SGIP1: variants seen among roughly 807,000 people sequenced by gnomAD.
The protein encoded by SGIP1 is SH3GL interacting endocytic adaptor 1.
Under a neutral mutation model 107.5 loss-of-function variants are expected in SGIP1, and 38 were observed. The ratio of observed to expected loss-of-function variants is 0.35; its 90% CI spans 0.27 to 0.46. The LOEUF (loss-of-function observed/expected upper bound fraction) is 0.46, where lower values mean the gene tolerates loss of function less well. SGIP1 is among the 20% of genes least tolerant of loss of function. SGIP1 has a pLI of 1.00. For missense variants in SGIP1, 929 were observed against 1,019.5 expected, an observed-to-expected ratio of 0.91 and a Z score of 1.21; for synonymous variants, 365 against 366.1, an observed-to-expected ratio of 1.00 and a Z score of 0.03.
At chr1:66,698,674 G>A (rs971974595) in intron 18 of SGIP1, among the ~76,000 whole-genome samples, 1 of 151,992 alleles carries the variant, frequency 6.6e-6, no homozygotes, top group African/African-American at 2.4e-5. Context: ...CACGGCGCCC[G>A]GCCCAAATGG....
intron 15 of SGIP1, among the ~76,000 whole-genome samples, chr1:66,683,700 C>CTTTTCTTTTTTTTT (rs2087379165): frequency 9.8e-5 from 6 of 61,388 alleles, no homozygotes; most frequent in South Asian, 1.1e-3. Context: ...TGTTTCTTTT[C>CTTTTCTTTTTTTTT]TTTTTTTTTT....
chr1:66,622,603 A>G (rs1439386072), intron 1 of SGIP1, among the ~76,000 whole-genome samples: 1 of 152,318 alleles, frequency 6.6e-6, no homozygotes, highest in East Asian at 1.9e-4. Context: ...CACAACACCA[A>G]AAGAAGCTAA....
Position 66,538,410 on chromosome 1 carries a change from C to T in SGIP1, c.10+4042C>T, listed in dbSNP as rs1022031788. Among the ~76,000 whole-genome samples, 6 of 152,084 alleles carry T rather than the reference C, an allele frequency of 3.9e-5. No individual in the cohort carries two copies. The South Asian group carries it at 1.2e-3, about 31-fold the overall frequency. On this transcript the variant is annotated intron_variant, in intron 1 of 24. Transcript: ENST00000371037. ...GTAATTTCTCATCTTCTCCAGTGTTCTGTATCATAAAGAACCTCTTTAGAT... is the reference window on the plus strand; with the variant it reads ...GTAATTTCTCATCTTCTCCAGTGTTTTGTATCATAAAGAACCTCTTTAGAT...
At chr1:66,678,010 T>C (rs1571693120) in intron 13 of SGIP1, among the ~76,000 whole-genome samples, 1 of 152,364 alleles carries the variant, frequency 6.6e-6, no homozygotes. Flanking sequence ...GGAAATATTA[T>C]TGCTATAAAG....
chr1:66,564,448 A>G (rs1160063649), intron 1 of SGIP1, among the ~76,000 whole-genome samples: 1 of 151,984 alleles, frequency 6.6e-6, no homozygotes, highest in Non-Finnish European at 1.5e-5. Flanking sequence ...ATTCAGTGAC[A>G]TTGAGTCAGA....
At chr1:66,543,269 C>G (rs187853898) in intron 1 of SGIP1, among the ~76,000 whole-genome samples, 11 of 152,262 alleles carry the variant, frequency 7.2e-5, no homozygotes. Flanking sequence ...GTTCCCACCA[C>G]GAACAAAAGC....
intron 1 of SGIP1, among the ~76,000 whole-genome samples, chr1:66,583,071 TATCTGAATTACAC>T (rs1170431106): frequency 1.3e-5 from 2 of 152,094 alleles, no homozygotes; most frequent in African/African-American, 4.8e-5. Context: ...GATTGATAAA[TATCTGAATTACAC>T]ATGGCTTTTT....
chr1:66,659,638 G>T (rs766593201), intron 7 of SGIP1, among the ~76,000 whole-genome samples: 1 of 152,082 alleles, frequency 6.6e-6, no homozygotes, highest in African/African-American at 2.4e-5. Context: ...GGCCAGGCAC[G>T]GTGGTTTACA....
chr1:66,657,717 CA>C (rs199720601), intron 7 of SGIP1, among the ~76,000 whole-genome samples: 6 of 150,040 alleles, frequency 4.0e-5, no homozygotes, highest in East Asian at 1.9e-4. Flanking sequence ...GACTATTGGA[CA>C]AAAAAAAATC....
rs71058473 is a variant in SGIP1, at chr1:66,749,995, T to TTCTC, written c.*6918_*6921dup. Among the ~76,000 whole-genome samples the TTCTC allele has an allele frequency of 4.1e-4, 38 of 93,200 alleles. No homozygotes were observed. The highest frequency in any genetic ancestry group is 5.9e-4 in the African/African-American group (13 of 22,128). The allele number at this position is 93,200 out of a possible 152,430, so 61.1% of individuals were successfully genotyped here. The stretch of plus-strand genomic sequence containing the variant: ...GAGATTGGCTCCTATCTAATTCATA[T>TTCTC]TCTCTCTCTCTCTCTCTCTCTTTCT... On this transcript the variant is annotated 3_prime_UTR_variant, in exon 25 of 25. Transcript: ENST00000371037.
intron 1 of SGIP1, among the ~76,000 whole-genome samples, chr1:66,614,615 T>A (rs997696778): frequency 1.3e-5 from 2 of 152,168 alleles, no homozygotes; most frequent in Admixed American, 6.6e-5. Flanking sequence ...TACATAATTT[T>A]TAACTTTTTA....
At chr1:66,739,160 C>T (rs1447189910) in intron 21 of SGIP1, among the ~76,000 whole-genome samples, 175 bp from the exon 22 acceptor site, 1 of 152,038 alleles carries the variant, frequency 6.6e-6, no homozygotes, top group Non-Finnish European at 1.5e-5. Context: ...TAGCTGCTTT[C>T]GTGTTTTTAG....
chr1:66,562,159 T>C (rs1450012569), intron 1 of SGIP1, among the ~76,000 whole-genome samples: 1 of 152,014 alleles, frequency 6.6e-6, no homozygotes, highest in Admixed American at 6.6e-5. Context: ...ATGTGCTAAG[T>C]ACCCAGCAGA....
rs372108658 is a variant in SGIP1 at position 66,656,470 on chromosome 1, C to T, written c.460-4043C>T. Among the ~76,000 whole-genome samples the T allele has an allele frequency of 3.3e-5, 5 of 152,244 alleles. No individual in the cohort carries two copies. In the East Asian group the frequency reaches 7.7e-4, roughly 23 times the overall value. On this transcript the variant is annotated intron_variant, in intron 7 of 24. Transcript: ENST00000371037. ...GTACTTAATAATACAGCAGCACAGGCGGTTTGTTTACGCCAGCATCACCAC... is the reference window on the plus strand; with the variant it reads ...GTACTTAATAATACAGCAGCACAGGTGGTTTGTTTACGCCAGCATCACCAC...
chr1:66,546,780 A>G (rs777652958), intron 1 of SGIP1, among the ~76,000 whole-genome samples: 2 of 152,212 alleles, frequency 1.3e-5, no homozygotes, highest in Non-Finnish European at 2.9e-5. Flanking sequence ...ATTGATTTTA[A>G]TTAGAAAAAT....
intron 1 of SGIP1, among the ~76,000 whole-genome samples, chr1:66,549,137 GCCTT>G (rs60834683): frequency 0.44 from 63,276 of 142,872 alleles, 15,192 homozygotes; most frequent in Non-Finnish European, 0.55. Context: ...CTGGCTACCT[GCCTT>G]CCTTCCTTCC....
intron 19 of SGIP1, among the ~76,000 whole-genome samples, chr1:66,726,644 G>A (rs1334309394): frequency 6.6e-6 from 1 of 152,108 alleles, no homozygotes; most frequent in Non-Finnish European, 1.5e-5. Context: ...AGAAAGGACA[G>A]TCTTCTCAAA....
At chr1:66,660,189 AAGAAAG>A (rs1363390299) in intron 7 of SGIP1, 2 of 201,684 alleles carry the variant, frequency 9.9e-6, no homozygotes, top group Non-Finnish European at 1.7e-5. Flanking sequence ...GAAAGAAAGA[AAGAAAG>A]AAAGAAAGAA....
intron 1 of SGIP1, among the ~76,000 whole-genome samples, chr1:66,535,858 A>G (rs2053478943): frequency 6.6e-6 from 1 of 152,058 alleles, no homozygotes; most frequent in Non-Finnish European, 1.5e-5. Flanking sequence ...CAGAAAAAAT[A>G]TCTTGCCTGT....
Sources: allele counts gnomAD v4.1 joint callset (sites outside exome capture counted in the v4.1 genomes callset), GRCh38; gene constraint gnomAD v4.1.1; transcripts MANE v1.5; gene names NCBI Gene and HGNC (gene_info 2026-07-23, HGNC 2026-07-21).